Variants in RASGRP3 observed in about 807,000 individuals in gnomAD.
RASGRP3 encodes ras guanyl-releasing protein 3.
A neutral mutation model predicts 82.7 loss-of-function variants in RASGRP3; 54 were observed. The observed-to-expected ratio is 0.65, with a 90% CI of 0.52 to 0.82. The LOEUF (loss-of-function observed/expected upper bound fraction) is 0.82. Ranked by LOEUF, RASGRP3 falls within the 40% of genes least tolerant of loss-of-function variation. The pLI, the probability that RASGRP3 is intolerant of heterozygous loss-of-function variation, is 0.00. For missense variants in RASGRP3, 861 were observed against 828.9 expected (o/e 1.04, Z -0.48); for synonymous variants, 309 against 300.5 (o/e 1.03, Z -0.29).
chr2:33,542,935 C>T (rs142281209), intron 12 of RASGRP3, among the ~76,000 whole-genome samples: 108 of 152,228 alleles, frequency 7.1e-4, no homozygotes, highest in African/African-American at 2.5e-3. Flanking sequence ...TCAGGTGATC[C>T]ACCTGCTTCA....
chr2:33,520,078 T>C (rs1287181361), intron 5 of RASGRP3, 64 bp downstream of exon 5: 1 of 1,352,704 alleles, frequency 7.4e-7, no homozygotes, highest in African/African-American at 1.5e-5. Context: ...ACAATTTCCT[T>C]TTCCCCAAGC....
At chr2:33,486,509 C>A (rs1462463017) in intron 1 of RASGRP3, among the ~76,000 whole-genome samples, 1 of 152,130 alleles carries the variant, frequency 6.6e-6, no homozygotes, top group Non-Finnish European at 1.5e-5. Flanking sequence ...CTGCTTATTG[C>A]ACAAACATGA....
At chr2:33,489,556 G>A (rs933259803) in intron 1 of RASGRP3, among the ~76,000 whole-genome samples, 1 of 152,120 alleles carries the variant, frequency 6.6e-6, no homozygotes, top group Non-Finnish European at 1.5e-5. Flanking sequence ...TGTTTCTTTT[G>A]TGGGTTTTAT....
intron 2 of RASGRP3, among the ~76,000 whole-genome samples, chr2:33,450,822 C>CT (rs1170217165): frequency 0.021 from 392 of 18,946 alleles, 61 homozygotes; most frequent in East Asian, 0.079. Flanking sequence ...TTCTTTCTTT[C>CT]TTTTTTTTTT....
At chr2:33,529,486 T>TAAAAAAAAAAAAAAAA (rs1558491469) in intron 10 of RASGRP3, among the ~76,000 whole-genome samples, 2 of 6,086 alleles carry the variant, frequency 3.3e-4, no homozygotes, top group African/African-American at 2.3e-3. Flanking sequence ...AGACTCCATC[T>TAAAAAAAAAAAAAAAA]CAAAAAAAAA....
intron 13 of RASGRP3, among the ~76,000 whole-genome samples, chr2:33,546,045 G>C (rs1384751497): frequency 6.6e-6 from 1 of 151,680 alleles, no homozygotes; most frequent in Non-Finnish European, 1.5e-5. Flanking sequence ...CCTGAACTCA[G>C]GTGATCCACC....
At chr2:33,455,748 G>A (rs546262255) in intron 2 of RASGRP3, among the ~76,000 whole-genome samples, 1 of 152,300 alleles carries the variant, frequency 6.6e-6, no homozygotes, top group Admixed American at 6.5e-5. Context: ...ATGAAAGAAC[G>A]AATGAATTGT....
intron 2 of RASGRP3, among the ~76,000 whole-genome samples, chr2:33,513,122 A>T (rs774743626): frequency 1.3e-5 from 2 of 152,258 alleles, no homozygotes; most frequent in Non-Finnish European, 2.9e-5. Context: ...AAATCATTTC[A>T]GCAGCAGAAT....
At chr2:33,522,148 C>G (rs776768897) in intron 7 of RASGRP3, 46 bp downstream of exon 7, 1 of 1,556,842 alleles carries the variant, frequency 6.4e-7, no homozygotes, top group Non-Finnish European at 8.7e-7. Context: ...AACCACCATG[C>G]CAACTTTCCC....
Position 33,444,291 on chromosome 2 carries a change from C to G in RASGRP3, c.-384-3529C>G, listed in dbSNP as rs117729139. Among the ~76,000 whole-genome samples the G allele has an allele frequency of 9.5e-4, 145 of 152,264 alleles. 2 individuals carry two copies. The East Asian group carries it at 0.023, about 24-fold the overall frequency. ...ACTCACTGCACTCCAGCATGGGCAA[C>G]AGCAAGACCCTTTCTAAAATAATAA... is the stretch of plus-strand genomic sequence containing the variant. On this transcript the variant is annotated intron_variant, in intron 1 of 18. Transcript: ENST00000402538.
At position 33,476,716 on chromosome 2, in the gene RASGRP3, C is replaced by T. The variant is rs1280121316; in HGVS notation, c.-261+9C>T. 1 of 141,848 alleles carries T rather than the reference C, an allele frequency of 7.0e-6. No homozygotes were observed. The highest frequency in any genetic ancestry group is 2.6e-5 in the African/African-American group (1 of 38,564). The allele number at this position is 141,848 out of a possible 1,614,324, so 8.8% of individuals were successfully genotyped here. A position where few individuals can be genotyped will look rare whatever the true frequency, so the allele number is the denominator to read the frequency against. On this transcript the variant is annotated intron_variant, in intron 1 of 17. Transcript: ENST00000403687. ...ACGACAAAACCACCCTAGTAAGTAA[C>T]TGGAGAACTTTCCTCTCTCTCTCTC...
Position 33,520,005 on chromosome 2 carries a change from A to G in RASGRP3, c.227A>G (p.Tyr76Cys). ...SCNEFRLKIC[Y>C]FMRYWILKFP... Reference sequence around the variant, plus strand: ...AATGAATTTCGATTAAAGATCTGCTACTTCATGAGGTAAATATATTTACAA... The same window carrying G: ...AATGAATTTCGATTAAAGATCTGCTGCTTCATGAGGTAAATATATTTACAA... The change falls in exon 5 of 18, where the codon TAC becomes TGC. Residue 76 changes from tyrosine (Y) to cysteine (C), a missense_variant. By Grantham distance (194) the Tyr-to-Cys change is radical. Transcript: ENST00000403687. 1 of 1,604,378 alleles carries G rather than the reference A, an allele frequency of 6.2e-7. No individual in the cohort carries two copies. The highest frequency in any genetic ancestry group is 8.5e-7 in the Non-Finnish European group (1 of 1,174,064).
upstream of RASGRP3, among the ~76,000 whole-genome samples, chr2:33,473,101 G>A (rs530374756): frequency 2.6e-5 from 4 of 152,100 alleles, no homozygotes; most frequent in East Asian, 5.8e-4. Flanking sequence ...AGTGGCTCAC[G>A]CCTGTAATCC....
chr2:33,467,378 A>C, intron 2 of RASGRP3, among the ~76,000 whole-genome samples: 1 of 152,314 alleles, frequency 6.6e-6, no homozygotes, highest in South Asian at 2.1e-4. Flanking sequence ...CTGGGTGCTT[A>C]CCCTGGCCCA....
At chr2:33,511,496 G>A (rs1217670068) in intron 1 of RASGRP3, among the ~76,000 whole-genome samples, 2 of 152,122 alleles carry the variant, frequency 1.3e-5, no homozygotes, top group Non-Finnish European at 2.9e-5. Context: ...TTAATAGGCT[G>A]CAAAAAGCTT....
chr2:33,477,891 C>CAATA (rs1667526473), intron 1 of RASGRP3, among the ~76,000 whole-genome samples: 1 of 152,096 alleles, frequency 6.6e-6, no homozygotes, highest in Admixed American at 6.6e-5. Flanking sequence ...GAAGTCTCAC[C>CAATA]AAATAGTTGT....
chr2:33,449,205 G>A (rs1045173761), intron 2 of RASGRP3, among the ~76,000 whole-genome samples: 1 of 152,198 alleles, frequency 6.6e-6, no homozygotes, highest in African/African-American at 2.4e-5. Context: ...TCAGGTGCAT[G>A]ACACATACCA....
intron 1 of RASGRP3, among the ~76,000 whole-genome samples, chr2:33,443,133 A>G (rs1665315866): frequency 6.6e-6 from 1 of 152,212 alleles, no homozygotes; most frequent in Admixed American, 6.5e-5. Context: ...ATAGAATCTT[A>G]AAAGTGTTTC....
chr2:33,459,501 G>C (rs1285606286), intron 2 of RASGRP3, among the ~76,000 whole-genome samples: 1 of 152,070 alleles, frequency 6.6e-6, no homozygotes, highest in Non-Finnish European at 1.5e-5. Flanking sequence ...TGGAAATATA[G>C]AGCATTAAAG....
Sources: allele counts gnomAD v4.1 joint callset (sites outside exome capture counted in the v4.1 genomes callset), GRCh38; gene constraint gnomAD v4.1.1; transcripts MANE v1.5; gene names NCBI Gene and HGNC (gene_info 2026-07-23, HGNC 2026-07-21).